The following NLRP5 variants were observed in gnomAD, a reference collection of about 807,000 sequenced individuals.
NLRP5 encodes the protein NLR family pyrin domain containing 5.
A neutral mutation model predicts 113.1 loss-of-function variants in NLRP5; 93 were observed. The ratio of observed to expected loss-of-function variants is 0.82; its 90% CI spans 0.70 to 0.98. The LOEUF is 0.98. Among genes scored for constraint, NLRP5 ranks in the 50% least tolerant of loss-of-function variants. The pLI, the probability that NLRP5 is intolerant of heterozygous loss-of-function variation, is 0.00. For missense variants in NLRP5, 1,808 were observed against 1,514.3 expected (o/e 1.19, Z -3.22); for synonymous variants, 751 against 600.7 (o/e 1.25, Z -3.66).
At chr19:56,000,399 C>G (rs563465615) in intron 1 of NLRP5, among the ~76,000 whole-genome samples, 36 of 152,150 alleles carry the variant, frequency 2.4e-4, no homozygotes, top group African/African-American at 7.7e-4. Context: ...GAGTCTCATT[C>G]TGTCACCCAG....
intron 13 of NLRP5, among the ~76,000 whole-genome samples, chr19:56,057,620 A>G (rs1387358147): frequency 6.6e-6 from 1 of 152,092 alleles, no homozygotes; most frequent in Admixed American, 6.6e-5. Context: ...TTTCCTTGCT[A>G]CAGGCACTCT....
rs1046939851 is a variant in NLRP5, at chr19:56,061,377, C to G, written c.3471-19C>G. ...CGAAAGCAACATCTCAGTAACGAGT[C>G]CTCTCTCTGCCTCCCCAGGCTGTGG... On this transcript the variant is annotated intron_variant, in intron 14 of 14. Coordinates refer to ENST00000390649, the MANE Select transcript of NLRP5 (RefSeq NM_153447.4). 1 of 1,611,316 alleles carries G rather than the reference C, an allele frequency of 6.2e-7. No individual in the cohort carries two copies. Among genetic ancestry groups the G allele is most frequent in the South Asian group, 1.1e-5 (1 of 90,700 alleles).
At chr19:55,990,079 C>CTTT in the NLRP5 span, among the ~76,000 whole-genome samples, 2 of 95,954 alleles carry the variant, frequency 2.1e-5, no homozygotes, top group African/African-American at 4.0e-5. Context: ...TTTCTTTTTT[C>CTTT]TTTTTTTTTT....
At chr19:55,995,909 A>ATTTTTTTTTTTTTTTTTTT (rs1981309363), upstream of NLRP5, among the ~76,000 whole-genome samples, 1 of 151,784 alleles carries the variant, frequency 6.6e-6, no homozygotes, top group African/African-American at 2.4e-5. Flanking sequence ...TTTTATGTTG[A>ATTTTTTTTTTTTTTTTTTT]TTTTTGCATC....
chr19:55,986,806 G>A, the NLRP5 span, among the ~76,000 whole-genome samples: 3 of 152,062 alleles, frequency 2.0e-5, no homozygotes, highest in East Asian at 5.8e-4. Flanking sequence ...GCTCTTGGTG[G>A]TGAGGTGTGA....
rs373414172 is a variant in NLRP5 at position 56,027,589 on chromosome 19, A to G, written c.1356A>G (p.Thr452=). Residue 452 remains threonine (T), a synonymous_variant, in exon 7 of 15, where the codon ACA becomes ACG. Coordinates refer to ENST00000390649, the MANE Select transcript of NLRP5 (RefSeq NM_153447.4). ...GCGGGATTGGTGAGCATCAGAAGAC[A>G]CAAGGGTTGCGTGCGATCATGAACA... The G allele has an allele frequency of 1.2e-4, 193 of 1,613,968 alleles. 1 individual carries two copies. The highest frequency in any genetic ancestry group is 6.6e-4 in the Middle Eastern group (4 of 6,062).
chr19:56,015,162 CATT>C (rs1982355439), intron 3 of NLRP5, among the ~76,000 whole-genome samples: 1 of 152,014 alleles, frequency 6.6e-6, no homozygotes, highest in Non-Finnish European at 1.5e-5. Context: ...TGTTCTATGC[CATT>C]ATAAGTGGAG....
At chr19:56,042,355 T>C (rs1983551925) in intron 11 of NLRP5, among the ~76,000 whole-genome samples, 1 of 152,148 alleles carries the variant, frequency 6.6e-6, no homozygotes, top group Non-Finnish European at 1.5e-5. Flanking sequence ...TCTTTTCTTG[T>C]TGTGTTTTGA....
chr19:56,022,290 G>C (rs1873108869), intron 6 of NLRP5, among the ~76,000 whole-genome samples: 2 of 152,146 alleles, frequency 1.3e-5, no homozygotes, highest in African/African-American at 4.8e-5. Context: ...CACAATCACA[G>C]CTCACTGCAG....
intron 6 of NLRP5, among the ~76,000 whole-genome samples, chr19:56,024,443 ATT>A (rs1335977297): frequency 4.1e-5 from 6 of 146,678 alleles, no homozygotes; most frequent in Admixed American, 1.4e-4. Flanking sequence ...ATATACATAT[ATT>A]TATATATACG....
chr19:55,987,730 C>T, the NLRP5 span: 3 of 986,046 alleles, frequency 3.0e-6, no homozygotes, highest in East Asian at 2.4e-5. Flanking sequence ...GTAGAAAAAG[C>T]ATAGAGACAA....
intron 10 of NLRP5, 97 bp from the exon 11 acceptor site, chr19:56,040,825 T>TG: frequency 9.8e-7 from 1 of 1,020,436 alleles, no homozygotes; most frequent in South Asian, 1.6e-5. Context: ...ATGCCAACTA[T>TG]GGGGGTGATA....
intron 13 of NLRP5, among the ~76,000 whole-genome samples, 178 bp downstream of exon 13, chr19:56,053,986 A>C (rs1984033839): frequency 6.6e-6 from 1 of 152,108 alleles, no homozygotes; most frequent in Non-Finnish European, 1.5e-5. Flanking sequence ...GCTCCTATGG[A>C]TGAGACGGAT....
At chr19:56,017,968 C>T (rs1294035551) in intron 4 of NLRP5, among the ~76,000 whole-genome samples, 2 of 152,170 alleles carry the variant, frequency 1.3e-5, no homozygotes, top group African/African-American at 2.4e-5. Context: ...TATTTATTTT[C>T]TCCACCATAT....
intron 3 of NLRP5, among the ~76,000 whole-genome samples, chr19:56,013,024 C>T (rs780604412): frequency 7.3e-4 from 111 of 152,008 alleles, no homozygotes; most frequent in Non-Finnish European, 1.0e-3. Context: ...TTTTCATCAC[C>T]CCAGAAAACC....
chr19:56,001,848 T>C (rs1981664800), intron 1 of NLRP5, among the ~76,000 whole-genome samples: 1 of 152,162 alleles, frequency 6.6e-6, no homozygotes, highest in Admixed American at 6.6e-5. Flanking sequence ...CTTTAAAATG[T>C]TTTATTACAT....
At position 56,028,382 on chromosome 19, in the gene NLRP5, A is replaced by C. The variant is rs1462699395; in HGVS notation, c.2149A>C (p.Asn717His). The change falls in exon 7 of 15, where the codon AAC becomes CAC. Residue 717 changes from asparagine (N) to histidine (H), a missense_variant. Asn to His is a moderately conservative substitution (Grantham distance 68, BLOSUM62 1). Transcript: ENST00000390649. ...AGAAGTGTGGCTTCCGATTAACCAG[A>C]ACCTGGACTTGATAGCATCTTCCTT... The C allele has an allele frequency of 1.2e-6, 2 of 1,613,852 alleles. No individual in the cohort carries two copies. Among genetic ancestry groups the C allele is most frequent in the Admixed American group, 3.3e-5 (2 of 59,992 alleles).
chr19:56,018,273 A>T (rs1278908782), intron 4 of NLRP5, among the ~76,000 whole-genome samples: 2 of 152,256 alleles, frequency 1.3e-5, no homozygotes, highest in Non-Finnish European at 2.9e-5. Context: ...TTGACAAGAC[A>T]AAGACCACCC....
intron 11 of NLRP5, among the ~76,000 whole-genome samples, chr19:56,049,530 G>A (rs1234571392): frequency 2.7e-5 from 4 of 150,168 alleles, no homozygotes; most frequent in Non-Finnish European, 4.4e-5. Flanking sequence ...GGATGGTCTC[G>A]AACTCTTGAC....
Sources: gnomAD v4.1 joint callset for allele counts (sites outside exome capture counted in the v4.1 genomes callset) on GRCh38, gnomAD v4.1.1 for gene constraint, MANE v1.5 for transcripts, NCBI Gene and HGNC (gene_info 2026-07-23, HGNC 2026-07-21) for gene names.